The following CTNNB1 variants were observed in gnomAD, a reference collection of about 807,000 sequenced individuals.
CTNNB1 encodes catenin beta 1.
Under a neutral mutation model 82.5 loss-of-function variants are expected in CTNNB1, and 6 were observed. The observed-to-expected ratio is 0.07, with a 90% confidence interval of 0.04 to 0.14. The LOEUF is 0.14. Ranked by LOEUF, CTNNB1 falls within the 10% of genes least tolerant of loss-of-function variation. The pLI is 1.00. For synonymous variants in CTNNB1, 312 were observed against 329.7 expected (o/e 0.95, Z 0.58); for missense variants, 529 against 980.4 (o/e 0.54, Z 6.15).
At position 41,236,667 on chromosome 3, in the gene CTNNB1, G is replaced by A. The variant is rs746237763; in HGVS notation, c.2034G>A (p.Leu678=). The part of the protein sequence containing the change: ...QDYKKRLSVE[L]TSSLFRTEPM... ...ACAAGAAACGGCTTTCAGTTGAGCT[G>A]ACCAGCTCTCTCTTCAGAACAGAGC... is the stretch of plus-strand genomic sequence containing the variant. The change falls in exon 13 of 15, where the codon CTG becomes CTA. Residue 678 remains leucine (L), a synonymous_variant. Transcript: ENST00000349496. 1 of 1,614,184 alleles carries A rather than the reference G, an allele frequency of 6.2e-7. No individual in the cohort carries two copies. Among genetic ancestry groups the A allele is most frequent in the Non-Finnish European group, 8.5e-7 (1 of 1,180,012 alleles).
intron 7 of CTNNB1, among the ~76,000 whole-genome samples, chr3:41,232,966 A>G (rs920811183): frequency 2.6e-5 from 4 of 152,194 alleles, no homozygotes; most frequent in Non-Finnish European, 5.9e-5. Context: ...GAACTTCTGA[A>G]TATTTTTGTT....
chr3:41,219,724 C>G (rs577298193), intron 1 of CTNNB1, among the ~76,000 whole-genome samples: 1 of 152,288 alleles, frequency 6.6e-6, no homozygotes, highest in South Asian at 2.1e-4. Context: ...TATGATCTGT[C>G]AGTATTGTGG....
At chr3:41,208,728 A>G (rs553454144) in intron 1 of CTNNB1, among the ~76,000 whole-genome samples, 1 of 152,340 alleles carries the variant, frequency 6.6e-6, no homozygotes, top group East Asian at 1.9e-4. Context: ...TCACTGGATG[A>G]ACTGTAGCCT....
In CTNNB1 at chr3:41,239,986, C is replaced by CTTTTTTTTTTT. The variant is rs1207330730; in HGVS notation, c.*659_*669dup. On this transcript the variant is annotated 3_prime_UTR_variant, in exon 15 of 15. Coordinates refer to ENST00000349496, the MANE Select transcript of CTNNB1 (RefSeq NM_001904.4). ...TGACTTTGCTTGCTTTGAAGTAGCT[C>CTTTTTTTTTTT]TTTTTTTTTTTTTTTTTTTTTTTTT... is the stretch of plus-strand genomic sequence containing the variant. 6.5e-5 allele frequency: 2 copies of CTTTTTTTTTTT among 30,586 alleles called. No homozygotes were observed. The highest frequency in any genetic ancestry group is 5.2e-4 in the Admixed American group (1 of 1,934). 1.9% of individuals were successfully genotyped at this position (30,586 alleles called of 1,614,324 possible). A position where few individuals can be genotyped will look rare whatever the true frequency, so the allele number is the denominator to read the frequency against.
intron 1 of CTNNB1, among the ~76,000 whole-genome samples, chr3:41,203,126 G>C (rs1386570049): frequency 6.6e-6 from 1 of 151,030 alleles, no homozygotes; most frequent in Non-Finnish European, 1.5e-5. Context: ...TGAAGCAGCA[G>C]AGTGAGTAGT....
At chr3:41,204,505 C>T (rs901658212) in intron 1 of CTNNB1, among the ~76,000 whole-genome samples, 2 of 152,144 alleles carry the variant, frequency 1.3e-5, no homozygotes, top group South Asian at 2.1e-4. Context: ...ACTCAAATGT[C>T]TCCAGGGCCA....
chr3:41,204,321 C>G (rs148957506), intron 1 of CTNNB1, among the ~76,000 whole-genome samples: 218 of 152,258 alleles, frequency 1.4e-3, no homozygotes, highest in African/African-American at 4.9e-3. Flanking sequence ...TATGTACATA[C>G]AACTTACTGA....
chr3:41,216,684 C>T (rs535476766), intron 1 of CTNNB1, among the ~76,000 whole-genome samples: 17 of 152,118 alleles, frequency 1.1e-4, no homozygotes, highest in Non-Finnish European at 2.1e-4. Flanking sequence ...CGTTATATTT[C>T]AGTATTTGGC....
rs888115120 is a variant in CTNNB1 at position 41,238,178 on chromosome 3, A to C, written c.2137+102A>C. On this transcript the variant is annotated intron_variant, in intron 14 of 14. Transcript: ENST00000349496. ...TCATCTGGGAAACCAGTGTTGGCAG[A>C]AAAGTAGTGGCTTCAATTAAAAGCA... The C allele has an allele frequency of 3.0e-6, 3 of 991,592 alleles. No individual in the cohort carries two copies. In the South Asian group the frequency reaches 3.9e-5, roughly 13 times the overall value. The allele number at this position is 991,592 out of a possible 1,614,324, so 61.4% of individuals were successfully genotyped here.
chr3:41,213,643 A>C (rs1477549255), intron 1 of CTNNB1, among the ~76,000 whole-genome samples: 1 of 152,220 alleles, frequency 6.6e-6, no homozygotes, highest in African/African-American at 2.4e-5. Flanking sequence ...GTTGTGGAAA[A>C]GATTTCTTAT....
In CTNNB1 at chr3:41,224,531, T is replaced by C. The variant is rs1209058117; in HGVS notation, c.19T>C (p.Leu7=). 1.2e-6 allele frequency: 2 copies of C among 1,613,620 alleles called. No homozygotes were observed. Among genetic ancestry groups the C allele is most frequent in the African/African-American group, 2.7e-5 (2 of 74,892 alleles). MATQAD[L]MELDMAMEPD... ...ATACTGTTTCGTATTTATAGCTGAT[T>C]TGATGGAGTTGGACATGGCCATGGA... Residue 7 remains leucine, a synonymous_variant, in exon 3 of 15, where the codon TTG becomes CTG. Transcript: ENST00000349496.
Position 41,233,759 on chromosome 3 carries a change from C to A in CTNNB1, c.1416C>A (p.Thr472=), listed in dbSNP as rs761766557. ...EPAICALRHL[T]SRHQEAEMAQ... ...CCATCTGTGCTCTTCGTCATCTGAC[C>A]AGCCGACACCAAGAAGCAGAGATGG... The change falls in exon 9 of 15, where the codon ACC becomes ACA. Residue 472 remains threonine, a synonymous_variant. Coordinates refer to ENST00000349496, the MANE Select transcript of CTNNB1 (RefSeq NM_001904.4). 6.2e-6 allele frequency: 10 copies of A among 1,613,770 alleles called. No homozygotes were observed. The highest frequency in any genetic ancestry group is 8.5e-6 in the Non-Finnish European group (10 of 1,179,760).
chr3:41,206,028 G>T (rs1314119962), intron 1 of CTNNB1, among the ~76,000 whole-genome samples: 1 of 152,100 alleles, frequency 6.6e-6, no homozygotes, highest in Non-Finnish European at 1.5e-5. Flanking sequence ...TTTGAAGAGT[G>T]TGAACATCTG....
At chr3:41,221,751 T>TCATAATTTTTAAGC (rs2078054061) in intron 1 of CTNNB1, 1 of 152,182 alleles carries the variant, frequency 6.6e-6, no homozygotes, top group Non-Finnish European at 1.5e-5. Flanking sequence ...TGATTGTACT[T>TCATAATTTTTAAGC]CATAATTTTT....
At chr3:41,238,971 T>A (rs181431832) in intron 14 of CTNNB1, among the ~76,000 whole-genome samples, 163 bp from the exon 15 acceptor site, 1 of 152,242 alleles carries the variant, frequency 6.6e-6, no homozygotes, top group African/African-American at 2.4e-5. Flanking sequence ...ATTACTTGGC[T>A]AAAGAAAGCT....
At chr3:41,231,902 A>G (rs1248555539) in intron 7 of CTNNB1, among the ~76,000 whole-genome samples, 2 of 152,220 alleles carry the variant, frequency 1.3e-5, no homozygotes, top group Non-Finnish European at 2.9e-5. Context: ...TGGAGGGGAC[A>G]ACATTGGTAC....
chr3:41,204,106 T>TA (rs1156776104), intron 1 of CTNNB1, among the ~76,000 whole-genome samples: 1 of 151,714 alleles, frequency 6.6e-6, no homozygotes, highest in Non-Finnish European at 1.5e-5. Context: ...TTTTTTTTTT[T>TA]AAAGGCAAGA....
chr3:41,215,238 A>T (rs1040655520), intron 1 of CTNNB1, among the ~76,000 whole-genome samples: 5 of 116,376 alleles, frequency 4.3e-5, no homozygotes, highest in Middle Eastern at 4.3e-3. Flanking sequence ...AAAAAAAAAA[A>T]TAGCTGGGGT....
At chr3:41,220,206 T>C (rs1001458369) in intron 1 of CTNNB1, among the ~76,000 whole-genome samples, 5 of 152,128 alleles carry the variant, frequency 3.3e-5, no homozygotes, top group Non-Finnish European at 7.4e-5. Context: ...CTTTTTTTTT[T>C]CCATTTACCT....
Sources: gnomAD v4.1 joint callset for allele counts (sites outside exome capture counted in the v4.1 genomes callset) on GRCh38, gnomAD v4.1.1 for gene constraint, MANE v1.5 for transcripts, NCBI Gene and HGNC (gene_info 2026-07-23, HGNC 2026-07-21) for gene names.